Variants in PDE1A observed in about 807,000 individuals in gnomAD.
The protein encoded by PDE1A is phosphodiesterase 1A.
PDE1A carries 35 observed loss-of-function variants against 61.7 expected under a neutral mutation model. The observed-to-expected ratio is 0.57, with a 90% CI of 0.43 to 0.75. The LOEUF is 0.75. Among genes scored for constraint, PDE1A ranks in the 30% least tolerant of loss-of-function variants. PDE1A has a pLI of 0.00. For synonymous variants in PDE1A, 232 were observed against 213.2 expected (o/e 1.09, Z -0.77); for missense variants, 597 against 630.6 (o/e 0.95, Z 0.57).
chr2:182,377,534 A>T (rs2125289221), intron 1 of PDE1A, among the ~76,000 whole-genome samples: 1 of 152,324 alleles, frequency 6.6e-6, no homozygotes, highest in South Asian at 2.1e-4. Flanking sequence ...AGACATTGTC[A>T]AGTGTTGACA....
At chr2:182,317,260 T>A (rs1369049733) in intron 1 of PDE1A, among the ~76,000 whole-genome samples, 1 of 152,126 alleles carries the variant, frequency 6.6e-6, no homozygotes, top group East Asian at 1.9e-4. Flanking sequence ...AACTTTTTTT[T>A]TTTTTTTGAG....
chr2:182,392,732 T>C (rs1701490724), intron 1 of PDE1A, among the ~76,000 whole-genome samples: 1 of 152,220 alleles, frequency 6.6e-6, no homozygotes, highest in Admixed American at 6.5e-5. Flanking sequence ...TTGGCCAAAA[T>C]GAAGGGGCCA....
intron 2 of PDE1A, among the ~76,000 whole-genome samples, chr2:182,498,125 T>C (rs1200118436): frequency 6.8e-6 from 1 of 147,768 alleles, no homozygotes; most frequent in Non-Finnish European, 1.5e-5. Flanking sequence ...ACACTGAATG[T>C]CAATGAGCTC....
chr2:182,143,676 C>G (rs1032296013), downstream of PDE1A, among the ~76,000 whole-genome samples: 5 of 152,134 alleles, frequency 3.3e-5, no homozygotes, highest in East Asian at 7.7e-4. Flanking sequence ...CCACTACGCC[C>G]GGCTAACTGT....
intron 7 of PDE1A, among the ~76,000 whole-genome samples, chr2:182,218,386 A>G (rs1196093706): frequency 1.3e-5 from 2 of 150,676 alleles, no homozygotes; most frequent in Non-Finnish European, 2.9e-5. Context: ...AACCTGCACA[A>G]TGTGCACATG....
the PDE1A span, among the ~76,000 whole-genome samples, chr2:182,576,455 C>T: frequency 1.4e-4 from 22 of 152,252 alleles, no homozygotes; most frequent in African/African-American, 5.3e-4. Context: ...TTTTCTTATC[C>T]ATTCATCTAC....
At chr2:182,210,540 A>T (rs1360860749) in intron 7 of PDE1A, among the ~76,000 whole-genome samples, 1 of 152,128 alleles carries the variant, frequency 6.6e-6, no homozygotes, top group Non-Finnish European at 1.5e-5. Flanking sequence ...TTCTTTGTAT[A>T]TTTTGGATAA....
chr2:182,587,152 G>T, the PDE1A span, among the ~76,000 whole-genome samples: 2 of 152,176 alleles, frequency 1.3e-5, no homozygotes, highest in Non-Finnish European at 1.5e-5. Context: ...CATTATTGGG[G>T]CACAGAGAAC....
chr2:182,495,146 C>T (rs140662719), intron 2 of PDE1A, among the ~76,000 whole-genome samples: 234 of 152,320 alleles, frequency 1.5e-3, no homozygotes, highest in Middle Eastern at 3.4e-3. Context: ...GTGCCCCTGA[C>T]ATTAGTACAA....
At chr2:182,226,938 T>C (rs1689189747) in intron 6 of PDE1A, among the ~76,000 whole-genome samples, 1 of 152,030 alleles carries the variant, frequency 6.6e-6, no homozygotes, top group Non-Finnish European at 1.5e-5. Flanking sequence ...TTTAGTTAGC[T>C]GATCTCATTT....
At chr2:182,610,194 C>T in the PDE1A span, among the ~76,000 whole-genome samples, 1 of 152,178 alleles carries the variant, frequency 6.6e-6, no homozygotes, top group African/African-American at 2.4e-5. Flanking sequence ...AGACCATACC[C>T]TTTTTGTCCA....
At chr2:182,649,750 C>T in the PDE1A span, among the ~76,000 whole-genome samples, 1 of 152,006 alleles carries the variant, frequency 6.6e-6, no homozygotes, top group Non-Finnish European at 1.5e-5. Context: ...GCTGGGATTA[C>T]AGGCGCCTGC....
At position 182,441,367 on chromosome 2, in the gene PDE1A, TCTC is replaced by T. The variant is rs201943595; in HGVS notation, c.101+80906_101+80908del. ...TATATAATCATTTTATATGTATAAA[TCTC>T]CTATTTATTTGAGCAAAAGAATATT... On this transcript the variant is annotated intron_variant, in intron 2 of 14. Transcript: ENST00000410103. Among the ~76,000 whole-genome samples, 1,491 of 152,112 alleles carry T rather than the reference TCTC, an allele frequency of 9.8e-3. 23 individuals are homozygous for T. The highest frequency in any genetic ancestry group is 0.034 in the African/African-American group (1,404 of 41,520).
At chr2:182,323,484 G>T (rs777046466) in intron 1 of PDE1A, among the ~76,000 whole-genome samples, 4 of 152,152 alleles carry the variant, frequency 2.6e-5, no homozygotes, top group Non-Finnish European at 4.4e-5. Context: ...AACATAGGCT[G>T]GAGACAGACA....
At chr2:182,657,932 A>C in the PDE1A span, among the ~76,000 whole-genome samples, 1 of 150,230 alleles carries the variant, frequency 6.7e-6, no homozygotes, top group Non-Finnish European at 1.5e-5. Flanking sequence ...ACTCAGCCTG[A>C]GGTTTTGTAG....
upstream of PDE1A, among the ~76,000 whole-genome samples, chr2:182,524,084 A>G (rs573326086): frequency 6.6e-6 from 1 of 152,280 alleles, no homozygotes; most frequent in Admixed American, 6.5e-5. Context: ...CATTCCTATA[A>G]GCATTTACCA....
chr2:182,437,722 G>C (rs1238414037), intron 2 of PDE1A, among the ~76,000 whole-genome samples: 1 of 151,912 alleles, frequency 6.6e-6, no homozygotes, highest in East Asian at 1.9e-4. Flanking sequence ...TTAGTGCCTT[G>C]TAAGGTTGGG....
At chr2:182,481,245 A>G (rs1414798443) in intron 2 of PDE1A, among the ~76,000 whole-genome samples, 1 of 151,914 alleles carries the variant, frequency 6.6e-6, no homozygotes, top group Non-Finnish European at 1.5e-5. Context: ...GGACAATTGT[A>G]AAAAAGCAGT....
At chr2:182,209,190 G>A (rs1445368108) in intron 7 of PDE1A, among the ~76,000 whole-genome samples, 2 of 152,094 alleles carry the variant, frequency 1.3e-5, no homozygotes, top group East Asian at 3.9e-4. Context: ...CATGGCTGGG[G>A]AGAGGCCTCA....
Sources: allele counts gnomAD v4.1 joint callset (sites outside exome capture counted in the v4.1 genomes callset), GRCh38; gene constraint gnomAD v4.1.1; transcripts MANE v1.5; gene names NCBI Gene and HGNC (gene_info 2026-07-23, HGNC 2026-07-21).